The following PAK4 variants were observed in gnomAD, a reference collection of about 807,000 sequenced individuals.
PAK4 encodes the protein serine/threonine-protein kinase PAK 4.
A neutral mutation model predicts 53.5 loss-of-function variants in PAK4; 49 were observed. The observed-to-expected ratio is 0.92, with a 90% CI of 0.73 to 1.16. PAK4 has a LOEUF of 1.16. Among genes scored for constraint, PAK4 ranks in the 50% most tolerant of loss-of-function variants. The pLI is 0.00. For synonymous variants in PAK4, 376 were observed against 375.6 expected, an observed-to-expected ratio of 1.00 and a Z score of -0.01; for missense variants, 824 against 850.7, an observed-to-expected ratio of 0.97 and a Z score of 0.39.
chr19:39,138,918 T>A (rs897548988), intron 1 of PAK4, among the ~76,000 whole-genome samples: 5 of 152,000 alleles, frequency 3.3e-5, no homozygotes, highest in African/African-American at 1.2e-4. Flanking sequence ...GCTGGCAGGA[T>A]ATGGGGATAC....
chr19:39,174,254 C>A (rs919746169), intron 4 of PAK4, among the ~76,000 whole-genome samples: 5 of 151,832 alleles, frequency 3.3e-5, no homozygotes, highest in Non-Finnish European at 7.4e-5. Context: ...GGCCACTGAC[C>A]CCCGACCCAG....
At chr19:39,136,393 A>G (rs2073815611) in intron 1 of PAK4, 1 of 152,050 alleles carries the variant, frequency 6.6e-6, no homozygotes, top group African/African-American at 2.4e-5. Context: ...TCCTGCCACC[A>G]TTCCTGGAAC....
exon 2 of PAK4, chr19:39,169,614 G>C: frequency 1.9e-6 from 3 of 1,613,806 alleles, no homozygotes; most frequent in Non-Finnish European, 2.5e-6. Flanking sequence ...CGAGCACCGC[G>C]TGCACACGGG....
chr19:39,155,894 A>C (rs1263252066), intron 1 of PAK4, among the ~76,000 whole-genome samples: 1 of 152,234 alleles, frequency 6.6e-6, no homozygotes, highest in Non-Finnish European at 1.5e-5. Context: ...TGCCTGTGCC[A>C]AGAGCAGGGC....
chr19:39,135,560 C>G (rs2073796873), intron 1 of PAK4, among the ~76,000 whole-genome samples: 1 of 152,032 alleles, frequency 6.6e-6, no homozygotes, highest in Admixed American at 6.5e-5. Flanking sequence ...GTCTCAAACT[C>G]CTGACTTCAA....
chr19:39,158,192 C>CATGTATGTGCATGTGTGGGT (rs2074222948), intron 1 of PAK4, among the ~76,000 whole-genome samples: 2 of 145,996 alleles, frequency 1.4e-5, no homozygotes, highest in African/African-American at 5.2e-5. Flanking sequence ...TGTGTGTGAG[C>CATGTATGTGCATGTGTGGGT]GTGCATGTAT....
intron 6 of PAK4, 72 bp from the exon 8 acceptor site, chr19:39,176,518 G>A (rs1234639899): frequency 3.8e-6 from 6 of 1,595,510 alleles, no homozygotes; most frequent in East Asian, 2.2e-5. Context: ...AAGGAATGAC[G>A]CAGGCAGACG....
At chr19:39,177,599 C>A in intron 7 of PAK4, 76 bp from the exon 9 acceptor site, 3 of 1,479,374 alleles carry the variant, frequency 2.0e-6, no homozygotes, top group Non-Finnish European at 2.7e-6. Flanking sequence ...AGCGCTGGAG[C>A]GGTCCCTGCC....
chr19:39,144,116 A>T (rs1427060359), intron 1 of PAK4, among the ~76,000 whole-genome samples: 2 of 96,160 alleles, frequency 2.1e-5, no homozygotes, highest in African/African-American at 3.3e-5. Flanking sequence ...AGATAGATAG[A>T]TAGACAGACA....
chr19:39,147,257 C>T (rs2074016314), intron 1 of PAK4, among the ~76,000 whole-genome samples: 1 of 152,150 alleles, frequency 6.6e-6, no homozygotes, highest in South Asian at 2.1e-4. Context: ...GTAAATGGAG[C>T]CACCCAGTAT....
chr19:39,153,702 A>G (rs1293601634), intron 1 of PAK4, among the ~76,000 whole-genome samples: 3 of 152,178 alleles, frequency 2.0e-5, no homozygotes, highest in African/African-American at 7.2e-5. Context: ...TTGGCCTCTC[A>G]AAGTGCAGGG....
intron 1 of PAK4, among the ~76,000 whole-genome samples, chr19:39,153,585 G>C (rs916770579): frequency 6.6e-5 from 10 of 152,178 alleles, no homozygotes; most frequent in African/African-American, 2.4e-4. Context: ...GGGATTACAG[G>C]CGCCTACCGC....
chr19:39,164,881 G>A (rs1215330396), intron 1 of PAK4, among the ~76,000 whole-genome samples: 3 of 152,084 alleles, frequency 2.0e-5, no homozygotes, highest in East Asian at 3.9e-4. Context: ...TGGTGGTGGC[G>A]ATGGTGGTGG....
chr19:39,172,369 C>T (rs7257013), intron 2 of PAK4, among the ~76,000 whole-genome samples: 142,330 of 152,198 alleles, frequency 0.94, 66,642 homozygotes, highest in East Asian at 1. Context: ...TCTGCATTTG[C>T]ATTTGCCACC....
chr19:39,141,882 C>T (rs1398512931), intron 1 of PAK4, among the ~76,000 whole-genome samples: 1 of 152,220 alleles, frequency 6.6e-6, no homozygotes, highest in African/African-American at 2.4e-5. Context: ...CCGCCTCGGC[C>T]TCCCAAAATG....
rs1444690991 is a variant in PAK4, at chr19:39,127,786, C to T, written c.-23+1867C>T. Among the ~76,000 whole-genome samples, 34 of 152,180 alleles carry T rather than the reference C, an allele frequency of 2.2e-4. 1 individual carries two copies. The highest frequency in any genetic ancestry group is 1.5e-5 in the Non-Finnish European group (1 of 68,034). ...TCAGAGAGCCGGGAGAGTGCCCCTA[C>T]CCTGGGCTGAAGCCTGAGTCCCTTT... On this transcript the variant is annotated intron_variant, in intron 1 of 8. Coordinates refer to ENST00000358301, the Ensembl canonical transcript of PAK4.
At chr19:39,128,382 G>A (rs1168507190) in intron 1 of PAK4, among the ~76,000 whole-genome samples, 1 of 152,124 alleles carries the variant, frequency 6.6e-6, no homozygotes, top group East Asian at 1.9e-4. Flanking sequence ...TCCCTACCTG[G>A]CTCTGGCAGG....
chr19:39,131,107 G>A (rs900740655), intron 1 of PAK4, among the ~76,000 whole-genome samples: 3 of 152,128 alleles, frequency 2.0e-5, no homozygotes. Flanking sequence ...AGAGGTACGG[G>A]ACTTGCTTAA....
chr19:39,155,606 T>A (rs920052112), intron 1 of PAK4, among the ~76,000 whole-genome samples: 1 of 152,156 alleles, frequency 6.6e-6, no homozygotes. Context: ...GCCTTTGCAC[T>A]GGAGGTGGGA....
Sources: allele counts gnomAD v4.1 joint callset (sites outside exome capture counted in the v4.1 genomes callset), GRCh38; gene constraint gnomAD v4.1.1; transcripts MANE v1.5; gene names NCBI Gene and HGNC (gene_info 2026-07-23, HGNC 2026-07-21).